LMO7: variants seen among roughly 807,000 people sequenced by gnomAD.
The protein encoded by LMO7 is LIM domain only protein 7.
LMO7 carries 120 observed loss-of-function variants against 206.5 expected under a neutral mutation model. That is an observed-to-expected ratio of 0.58 (90% CI 0.50 to 0.68). The LOEUF is 0.68. LMO7 is among the 30% of genes least tolerant of loss of function. The pLI is 0.00. For synonymous variants in LMO7, 706 were observed against 681.5 expected, an observed-to-expected ratio of 1.04 and a Z score of -0.56; for missense variants, 1,959 against 1,957.9, an observed-to-expected ratio of 1.00 and a Z score of -0.01.
At chr13:75,626,569 CATATATATTAT>C (rs1252596174) in intron 2 of LMO7, among the ~76,000 whole-genome samples, 1 of 86,928 alleles carries the variant, frequency 1.2e-5, no homozygotes, top group African/African-American at 4.5e-5. Flanking sequence ...ACCCTCTTAA[CATATATATTAT>C]ATATATATAT....
chr13:75,818,270 CGCATTGCTTTTGTTCTTTCT>C (rs1489642880), intron 12 of LMO7, among the ~76,000 whole-genome samples: 3 of 152,078 alleles, frequency 2.0e-5, no homozygotes, highest in Non-Finnish European at 2.9e-5. Context: ...GGACTAAATG[CGCATTGCTTTTGTTCTTTCT>C]GCAAGGAGTT....
intron 2 of LMO7, among the ~76,000 whole-genome samples, chr13:75,630,204 C>A (rs1477842525): frequency 1.3e-5 from 2 of 152,130 alleles, no homozygotes; most frequent in Non-Finnish European, 2.9e-5. Context: ...GTTTCCCTTA[C>A]TCCCTACACC....
Position 75,713,184 on chromosome 13 carries a change from A to T in LMO7, c.72A>T (p.Ala24=), listed in dbSNP as rs771918588. ...AFAEAQRWVE[A]VTEKNFETKD... is the part of the protein sequence containing the mutation. ...TAACAACCAAACCTATCTTTCAGGC[A>T]GTAACAGAGAAGAATTTTGAAACAA... Residue 24 remains alanine, a splice_region_variant and synonymous_variant, in exon 2 of 31, where the codon GCA becomes GCT. Coordinates refer to ENST00000377534, the MANE Select transcript of LMO7 (RefSeq NM_001306080.2). 1.2e-6 allele frequency: 2 copies of T among 1,612,328 alleles called. No homozygotes were observed. Among genetic ancestry groups the T allele is most frequent in the Non-Finnish European group, 1.7e-6 (2 of 1,178,800 alleles).
chr13:75,834,805 T>C (rs1182772068), intron 17 of LMO7, among the ~76,000 whole-genome samples: 3 of 152,198 alleles, frequency 2.0e-5, no homozygotes, highest in African/African-American at 7.2e-5. Context: ...GAACTTTCAA[T>C]GTGCATTCCA....
At chr13:75,737,791 A>AC (rs2046020767) in intron 3 of LMO7, among the ~76,000 whole-genome samples, 2 of 133,496 alleles carry the variant, frequency 1.5e-5, no homozygotes, top group African/African-American at 2.9e-5. Context: ...ATAAAAAAAA[A>AC]AAAAAAAAAA....
intron 27 of LMO7, among the ~76,000 whole-genome samples, chr13:75,852,557 G>T (rs998621671): frequency 3.9e-5 from 6 of 152,186 alleles, no homozygotes; most frequent in Admixed American, 1.3e-4. Context: ...TGCCACTGAT[G>T]ATGAAGATCA....
chr13:75,751,778 T>G (rs2047288413), intron 3 of LMO7, among the ~76,000 whole-genome samples: 1 of 152,244 alleles, frequency 6.6e-6, no homozygotes, highest in Non-Finnish European at 1.5e-5. Flanking sequence ...CTCTTGACCC[T>G]GTACACTCAG....
At chr13:75,842,128 C>A in intron 24 of LMO7, 145 bp downstream of exon 24, 4 of 634,612 alleles carry the variant, frequency 6.3e-6, no homozygotes, top group East Asian at 2.8e-5. Context: ...AAATCATAAA[C>A]CCTGCCATGT....
In LMO7 at chr13:75,805,644, C is replaced by T. The variant is rs1233548513; in HGVS notation, c.1080C>T (p.Asn360=). The change falls in exon 9 of 31, where the codon AAC becomes AAT. Residue 360 remains asparagine (N), a synonymous_variant. Transcript: ENST00000377534. The part of the protein sequence containing the change: ...YVRKLSPVMP[N]PGNAFDQFLP... Reference sequence around the variant, plus strand: ...GCAAGCTCAGTCCAGTCATGCCAAACCCAGGGAATGCTTTTGATCAGTTTC... The same window carrying T: ...GCAAGCTCAGTCCAGTCATGCCAAATCCAGGGAATGCTTTTGATCAGTTTC... 6.2e-7 allele frequency: 1 copy of T among 1,614,034 alleles called. No individual in the cohort carries two copies. Among genetic ancestry groups the T allele is most frequent in the East Asian group, 2.2e-5 (1 of 44,886 alleles).
At chr13:75,721,171 G>C (rs892552793) in intron 2 of LMO7, among the ~76,000 whole-genome samples, 1 of 152,170 alleles carries the variant, frequency 6.6e-6, no homozygotes, top group African/African-American at 2.4e-5. Context: ...CTAGGGAGGA[G>C]TGTTGTTGGT....
At chr13:75,825,462 G>A (rs2058032869) in intron 15 of LMO7, among the ~76,000 whole-genome samples, 1 of 152,188 alleles carries the variant, frequency 6.6e-6, no homozygotes, top group Admixed American at 6.6e-5. Flanking sequence ...GTGCGTGGTT[G>A]TGTCTCAGGT....
chr13:75,640,171 A>T (rs9573599), intron 1 of LMO7, among the ~76,000 whole-genome samples: 104 of 1,342 alleles, frequency 0.077, no homozygotes, highest in African/African-American at 0.2. Context: ...TGCTAGCTGC[A>T]GCAGCTAGCA....
intron 1 of LMO7, among the ~76,000 whole-genome samples, chr13:75,678,223 C>A (rs2040188575): frequency 6.6e-6 from 1 of 152,228 alleles, no homozygotes. Flanking sequence ...GTCACACTGA[C>A]TTCCACAATG....
chr13:75,666,926 G>T (rs781384728), intron 1 of LMO7, among the ~76,000 whole-genome samples: 2 of 152,160 alleles, frequency 1.3e-5, no homozygotes, highest in Non-Finnish European at 2.9e-5. Flanking sequence ...GGAGAGATGT[G>T]GTGGCTCAAA....
In LMO7 at chr13:75,858,036, G is replaced by A; in HGVS notation, c.*93G>A. On this transcript the variant is annotated 3_prime_UTR_variant, in exon 31 of 31. Coordinates refer to ENST00000377534, the MANE Select transcript of LMO7 (RefSeq NM_001306080.2). Reference sequence around the variant, plus strand: ...TAAATATGTGTTGTATGTCTTTTTTGCTTTTTTTTTAAAAAAAAGAATAAC... The same window carrying A: ...TAAATATGTGTTGTATGTCTTTTTTACTTTTTTTTTAAAAAAAAGAATAAC... 6.8e-7 allele frequency: 1 copy of A among 1,473,640 alleles called. No individual in the cohort carries two copies. The highest frequency in any genetic ancestry group is 1.5e-5 in the African/African-American group (1 of 68,596). The allele number at this position is 1,473,640 out of a possible 1,614,324, so 91.3% of individuals were successfully genotyped here.
rs58667329 is a variant in LMO7, at chr13:75,815,687, TG to T, written c.1947-1471del. On this transcript the variant is annotated intron_variant, in intron 11 of 30. Transcript: ENST00000377534. ...AAAGATGTTTGTTGAAACTGGAGGT[TG>T]GGTATTAATTTAAGAAGCCATTTTG... 9.1e-3 allele frequency among the ~76,000 whole-genome samples: 1,379 copies of T among 152,256 alleles called. 26 individuals are homozygous for T. Among genetic ancestry groups the T allele is most frequent in the African/African-American group, 0.031 (1,298 of 41,524 alleles).
chr13:75,634,119 T>C (rs1339953731), upstream of LMO7, among the ~76,000 whole-genome samples: 1 of 151,892 alleles, frequency 6.6e-6, no homozygotes, highest in Non-Finnish European at 1.5e-5. Context: ...AGTGTCCTTT[T>C]AAAAATGATA....
chr13:75,681,736 A>ATATGTATATATATATATATATG (rs1555293421), intron 1 of LMO7, among the ~76,000 whole-genome samples: 8 of 133,220 alleles, frequency 6.0e-5, no homozygotes, highest in Non-Finnish European at 9.8e-5. Context: ...ATATATATAT[A>ATATGTATATATATATATATATG]TATATATATA....
intron 10 of LMO7, among the ~76,000 whole-genome samples, chr13:75,808,565 G>C (rs186408852): frequency 5.9e-5 from 9 of 152,252 alleles, no homozygotes; most frequent in African/African-American, 1.9e-4. Flanking sequence ...TCACATTTTA[G>C]AGTGTCTGAT....
Sources: gnomAD v4.1 joint callset for allele counts (sites outside exome capture counted in the v4.1 genomes callset) on GRCh38, gnomAD v4.1.1 for gene constraint, MANE v1.5 for transcripts, NCBI Gene and HGNC (gene_info 2026-07-23, HGNC 2026-07-21) for gene names.